FGF12: variants seen among roughly 807,000 people sequenced by gnomAD.
FGF12 encodes fibroblast growth factor 12.
In FGF12, 14 loss-of-function variants were observed where a neutral mutation model predicts 23.6. The ratio of observed to expected loss-of-function variants is 0.59; its 90% confidence interval spans 0.39 to 0.93. The LOEUF (loss-of-function observed/expected upper bound fraction) is 0.93. Ranked by LOEUF, FGF12 falls within the 40% of genes least tolerant of loss-of-function variation. The pLI is 0.00. For missense variants in FGF12, 175 were observed against 217.8 expected, an observed-to-expected ratio of 0.80 and a Z score of 1.24; for synonymous variants, 62 against 77.3, an observed-to-expected ratio of 0.80 and a Z score of 1.04.
intron 4 of FGF12, among the ~76,000 whole-genome samples, chr3:192,325,731 C>A (rs1401381424): frequency 6.6e-6 from 1 of 152,084 alleles, no homozygotes; most frequent in Non-Finnish European, 1.5e-5. Context: ...CTGTAAAAAC[C>A]AGGTGGCTTC....
At chr3:192,309,306 C>T (rs1715814842) in intron 4 of FGF12, among the ~76,000 whole-genome samples, 1 of 152,140 alleles carries the variant, frequency 6.6e-6, no homozygotes, top group Non-Finnish European at 1.5e-5. Context: ...ACAAATATCC[C>T]ATCTGCTATG....
chr3:192,236,128 C>T (rs753726896), intron 4 of FGF12, among the ~76,000 whole-genome samples: 6 of 152,074 alleles, frequency 3.9e-5, no homozygotes, highest in Non-Finnish European at 8.8e-5. Flanking sequence ...AAAAGTCATT[C>T]AGGGGCAGGT....
intron 2 of FGF12, among the ~76,000 whole-genome samples, chr3:192,548,135 C>T (rs1725541314): frequency 6.6e-6 from 1 of 152,074 alleles, no homozygotes; most frequent in Non-Finnish European, 1.5e-5. Flanking sequence ...CAAAAATACA[C>T]ATTTCCTGTT....
intron 2 of FGF12, among the ~76,000 whole-genome samples, chr3:192,664,706 A>T (rs141550465): frequency 0.013 from 1,919 of 152,058 alleles, 53 homozygotes; most frequent in African/African-American, 0.044. Context: ...CGGAGGTTGC[A>T]GTGAGCTGGG....
intron 4 of FGF12, among the ~76,000 whole-genome samples, chr3:192,179,548 GA>G (rs1263856356): frequency 7.0e-6 from 1 of 142,688 alleles, no homozygotes; most frequent in African/African-American, 2.7e-5. Flanking sequence ...CTGTAAGGTT[GA>G]TTTTTTTTTT....
chr3:192,246,871 AAGAAAGAGAG>A (rs962256652), intron 4 of FGF12, among the ~76,000 whole-genome samples: 5 of 149,890 alleles, frequency 3.3e-5, no homozygotes, highest in African/African-American at 1.2e-4. Flanking sequence ...GAGAGAGAGA[AAGAAAGAGAG>A]AGAAAGAGAG....
rs894624738 is a variant in FGF12 at position 192,141,688 on chromosome 3, AT to A, written c.*2320del. On this transcript the variant is annotated 3_prime_UTR_variant, in exon 6 of 6. Transcript: ENST00000445105. Reference sequence around the variant, plus strand: ...AATTTTGTTAGTGATTCATATCTCTATTTTTTTCATAACAAACTTAATTAAA... The same window carrying A: ...AATTTTGTTAGTGATTCATATCTCTATTTTTTCATAACAAACTTAATTAAA... The A allele has an allele frequency of 3.9e-5, 6 of 151,950 alleles. No individual in the cohort carries two copies. The South Asian group carries it at 1.0e-3, about 26-fold the overall frequency. The allele number at this position is 151,950 out of a possible 1,614,324, so 9.4% of individuals were successfully genotyped here. A position where few individuals can be genotyped will look rare whatever the true frequency, so the allele number is the denominator to read the frequency against.
chr3:192,405,309 T>C (rs1720916229), intron 2 of FGF12, among the ~76,000 whole-genome samples: 1 of 151,162 alleles, frequency 6.6e-6, no homozygotes, highest in African/African-American at 2.5e-5. Flanking sequence ...ACAGCTTCAA[T>C]ACTACACATA....
At chr3:192,343,120 T>C (rs933272627) in intron 3 of FGF12, among the ~76,000 whole-genome samples, 1 of 152,108 alleles carries the variant, frequency 6.6e-6, no homozygotes, top group African/African-American at 2.4e-5. Flanking sequence ...TCATTGCTTG[T>C]AACGAAGAAA....
At chr3:192,681,613 A>C (rs1319506619) in intron 2 of FGF12, among the ~76,000 whole-genome samples, 1 of 152,220 alleles carries the variant, frequency 6.6e-6, no homozygotes, top group Non-Finnish European at 1.5e-5. Flanking sequence ...ATAAAGAAAG[A>C]GCATGAAAGA....
chr3:192,562,307 A>T (rs1035224381), intron 2 of FGF12, among the ~76,000 whole-genome samples: 1 of 152,194 alleles, frequency 6.6e-6, no homozygotes. Flanking sequence ...GTCTTGATGA[A>T]TGTGTTGGTT....
At chr3:192,489,338 T>G (rs1723731575) in intron 2 of FGF12, among the ~76,000 whole-genome samples, 1 of 151,984 alleles carries the variant, frequency 6.6e-6, no homozygotes, top group Non-Finnish European at 1.5e-5. Flanking sequence ...AATATAAAAT[T>G]GCACATTACA....
chr3:192,469,412 G>A (rs1402561545), intron 2 of FGF12, among the ~76,000 whole-genome samples: 7 of 152,102 alleles, frequency 4.6e-5, no homozygotes. Context: ...ACTAATACCT[G>A]TAAATCCAAT....
chr3:192,452,337 C>A (rs939810664), intron 2 of FGF12, among the ~76,000 whole-genome samples: 1 of 152,100 alleles, frequency 6.6e-6, no homozygotes, highest in Non-Finnish European at 1.5e-5. Context: ...AACCAAACTT[C>A]TTTTCTAAGG....
At position 192,707,713 on chromosome 3, in the gene FGF12, A is replaced by T. The variant is rs185929795; in HGVS notation, c.13+19468T>A. On this transcript the variant is annotated intron_variant, in intron 2 of 5. Coordinates refer to ENST00000445105, the MANE Select transcript of FGF12 (RefSeq NM_004113.6). ...ATAAGCCAAGATTGTGCCACTGCAC[A>T]CTAGCCTGACAACAAAGCGAGACTC... Among the ~76,000 whole-genome samples, 19 of 130,004 alleles carry T rather than the reference A, an allele frequency of 1.5e-4. 1 individual carries two copies. Among genetic ancestry groups the T allele is most frequent in the African/African-American group, 4.3e-4 (14 of 32,664 alleles). 85.3% of individuals were successfully genotyped at this position (130,004 alleles called of 152,430 possible).
intron 2 of FGF12, among the ~76,000 whole-genome samples, chr3:192,402,995 A>G (rs1203920282): frequency 1.3e-5 from 2 of 152,216 alleles, no homozygotes; most frequent in African/African-American, 4.8e-5. Flanking sequence ...TTGTGGAATC[A>G]TCATACAATC....
At chr3:192,569,898 G>A (rs1390294015) in intron 2 of FGF12, among the ~76,000 whole-genome samples, 1 of 152,174 alleles carries the variant, frequency 6.6e-6, no homozygotes, top group Non-Finnish European at 1.5e-5. Flanking sequence ...ATAAAACAAT[G>A]ATTGGGGAAG....
intron 4 of FGF12, among the ~76,000 whole-genome samples, chr3:192,225,672 T>C (rs1342754353): frequency 1.3e-5 from 2 of 152,130 alleles, no homozygotes; most frequent in Non-Finnish European, 2.9e-5. Flanking sequence ...TTAATATTCA[T>C]AGCAGCATAA....
chr3:192,236,634 G>T (rs546170890), intron 4 of FGF12, among the ~76,000 whole-genome samples: 1 of 152,052 alleles, frequency 6.6e-6, no homozygotes, highest in Admixed American at 6.6e-5. Context: ...GATCACTGTT[G>T]GCTTAAAGTC....
Sources: allele counts gnomAD v4.1 joint callset (sites outside exome capture counted in the v4.1 genomes callset), GRCh38; gene constraint gnomAD v4.1.1; transcripts MANE v1.5; gene names NCBI Gene and HGNC (gene_info 2026-07-23, HGNC 2026-07-21).